The following SUGCT variants were observed in gnomAD, a reference collection of about 807,000 sequenced individuals.
SUGCT encodes the protein succinyl-CoA:glutarate-CoA transferase.
Under a neutral mutation model 55.0 loss-of-function variants are expected in SUGCT, and 41 were observed. That is an observed-to-expected ratio of 0.74 (90% CI 0.58 to 0.97). The LOEUF is 0.97. SUGCT is among the 50% of genes least tolerant of loss of function. The probability of loss-of-function intolerance (pLI) is 0.00; values close to 1 mark genes in which losing one functional copy is unlikely to be tolerated. For synonymous variants in SUGCT, 187 were observed against 200.4 expected (o/e 0.93, Z 0.56); for missense variants, 568 against 547.8 (o/e 1.04, Z -0.37).
chr7:40,241,919 C>A (rs867462823), intron 7 of SUGCT, among the ~76,000 whole-genome samples: 1,156 of 130,500 alleles, frequency 8.9e-3, no homozygotes, highest in Non-Finnish European at 8.9e-3. Context: ...ACTCTGTCTC[C>A]AAAAAAAAAA....
intron 10 of SUGCT, among the ~76,000 whole-genome samples, chr7:40,451,980 G>A (rs1166373389): frequency 6.6e-6 from 1 of 152,222 alleles, no homozygotes; most frequent in Non-Finnish European, 1.5e-5. Flanking sequence ...GGAAAGATGG[G>A]ACAACTTTAG....
chr7:40,732,065 G>GA (rs1562968933), intron 12 of SUGCT, among the ~76,000 whole-genome samples: 3 of 152,186 alleles, frequency 2.0e-5, no homozygotes, highest in Non-Finnish European at 4.4e-5. Flanking sequence ...CTACAAACCG[G>GA]ACTGCTTAAG....
chr7:40,792,501 T>C (rs1328560357), intron 13 of SUGCT, among the ~76,000 whole-genome samples: 1 of 152,144 alleles, frequency 6.6e-6, no homozygotes, highest in Non-Finnish European at 1.5e-5. Flanking sequence ...TTGTTCTGAT[T>C]CCGTATTGAC....
chr7:40,860,363 C>G lies in SUGCT; in HGVS notation c.1201C>G (p.Pro401Ala), dbSNP rs1282910576. ...SKFKMSEARP[P>A]PLLGQHTTHI... ...GTTCAAGATGTCAGAGGCCAGGCCG[C>G]CCCCGCTGCTCGGGCAGCACACAAC... Residue 401 changes from proline to alanine, a missense_variant, in exon 14 of 14, where the codon CCC becomes GCC. Pro to Ala is a conservative substitution (Grantham distance 27). Coordinates refer to ENST00000335693, the MANE Select transcript of SUGCT (RefSeq NM_001193313.2). The G allele has an allele frequency of 6.2e-7, 1 of 1,613,968 alleles. No individual in the cohort carries two copies. The highest frequency in any genetic ancestry group is 8.5e-7 in the Non-Finnish European group (1 of 1,179,856).
the SUGCT span, among the ~76,000 whole-genome samples, chr7:40,886,421 G>A: frequency 6.6e-6 from 1 of 152,164 alleles, no homozygotes; most frequent in Admixed American, 6.5e-5. Flanking sequence ...CTTAGATTCA[G>A]GGTATTCATG....
chr7:40,341,238 A>G (rs994757622), intron 9 of SUGCT, among the ~76,000 whole-genome samples: 18 of 152,198 alleles, frequency 1.2e-4, no homozygotes, highest in African/African-American at 4.3e-4. Context: ...GAATGGAGAA[A>G]AGCATCCTGT....
At chr7:40,242,542 A>G (rs1420990962) in intron 7 of SUGCT, among the ~76,000 whole-genome samples, 1 of 151,862 alleles carries the variant, frequency 6.6e-6, no homozygotes, top group Non-Finnish European at 1.5e-5. Context: ...CTAAAGCCCA[A>G]CTTTGAATCC....
chr7:40,713,259 A>G (rs1015114152), intron 12 of SUGCT, among the ~76,000 whole-genome samples: 1 of 152,136 alleles, frequency 6.6e-6, no homozygotes, highest in Admixed American at 6.5e-5. Context: ...CCTCTCCCAG[A>G]AAGGGCAGTT....
rs768763456 is a variant in SUGCT at position 40,860,590 on chromosome 7, G to GT, written c.*112dup. The GT allele has an allele frequency of 4.3e-6, 5 of 1,167,322 alleles. No individual in the cohort carries two copies. The highest frequency in any genetic ancestry group is 4.6e-6 in the Non-Finnish European group (4 of 863,430). 72.3% of individuals were successfully genotyped at this position (1,167,322 alleles called of 1,614,324 possible). ...GATACCACTAAAAAGAAGATTTAGA[G>GT]TAACTCCAGATTTCTTACATGGCAT... On this transcript the variant is annotated 3_prime_UTR_variant, in exon 14 of 14. Transcript: ENST00000335693.
chr7:40,617,971 A>G (rs1461096776), intron 12 of SUGCT, among the ~76,000 whole-genome samples: 2 of 152,138 alleles, frequency 1.3e-5, no homozygotes, highest in Admixed American at 6.5e-5. Flanking sequence ...TTACTTCACT[A>G]TAATCCTGTT....
At chr7:40,726,139 C>T (rs150063742) in intron 12 of SUGCT, among the ~76,000 whole-genome samples, 11 of 152,188 alleles carry the variant, frequency 7.2e-5, no homozygotes, top group East Asian at 3.9e-4. Flanking sequence ...TAGGTTCCTA[C>T]GCAGGAACGG....
chr7:40,561,164 CAGACTAGG>C (rs2151662399), intron 12 of SUGCT, among the ~76,000 whole-genome samples: 1 of 152,268 alleles, frequency 6.6e-6, no homozygotes, highest in East Asian at 1.9e-4. Flanking sequence ...CCTTTTTACA[CAGACTAGG>C]AAAAGCAACT....
the SUGCT span, among the ~76,000 whole-genome samples, chr7:41,030,543 C>T: frequency 6.6e-6 from 1 of 152,178 alleles, no homozygotes; most frequent in Non-Finnish European, 1.5e-5. Flanking sequence ...TTCCTCCTCT[C>T]GTCCCTCCCT....
rs193214687 is a variant in SUGCT at position 40,534,447 on chromosome 7, C to T, written c.1089+38061C>T. 3.3e-5 allele frequency among the ~76,000 whole-genome samples: 5 copies of T among 152,098 alleles called. No individual in the cohort carries two copies. In the East Asian group the frequency reaches 5.8e-4, roughly 18 times the overall value. ...TCGCCTAGGCTTTAGTGCAGTGGCACGATCTTGGCTCACCGCAACCTCCAC... is the reference window on the plus strand; with the variant it reads ...TCGCCTAGGCTTTAGTGCAGTGGCATGATCTTGGCTCACCGCAACCTCCAC... On this transcript the variant is annotated intron_variant, in intron 12 of 13. Transcript: ENST00000335693.
At chr7:40,210,071 A>G (rs890758385) in intron 6 of SUGCT, among the ~76,000 whole-genome samples, 1 of 151,898 alleles carries the variant, frequency 6.6e-6, no homozygotes, top group African/African-American at 2.4e-5. Flanking sequence ...TTTTTAAAAA[A>G]TTTAATTTTA....
intron 1 of SUGCT, among the ~76,000 whole-genome samples, chr7:40,162,090 G>A (rs890885097): frequency 6.6e-6 from 1 of 152,092 alleles, no homozygotes; most frequent in African/African-American, 2.4e-5. Flanking sequence ...TAGAGACGGG[G>A]TTTCACCATG....
chr7:40,809,819 A>G lies in SUGCT; in HGVS notation c.1154-50497A>G, dbSNP rs553335921. Among the ~76,000 whole-genome samples, 11 of 152,178 alleles carry G rather than the reference A, an allele frequency of 7.2e-5. No individual in the cohort carries two copies. The East Asian group carries it at 1.9e-3, about 27-fold the overall frequency. Reference sequence around the variant, plus strand: ...GTAGCCCCCAGTTTCTATTGTTGCCATATGTTCCTGAGTACCCAATGTTTG... The same window carrying G: ...GTAGCCCCCAGTTTCTATTGTTGCCGTATGTTCCTGAGTACCCAATGTTTG... On this transcript the variant is annotated intron_variant, in intron 13 of 13. Coordinates refer to ENST00000335693, the MANE Select transcript of SUGCT (RefSeq NM_001193313.2).
At chr7:40,166,432 A>G (rs1205762122) in intron 1 of SUGCT, among the ~76,000 whole-genome samples, 3 of 152,222 alleles carry the variant, frequency 2.0e-5, no homozygotes, top group Non-Finnish European at 4.4e-5. Flanking sequence ...AAATTCCATT[A>G]CCTGATATTA....
intron 12 of SUGCT, among the ~76,000 whole-genome samples, chr7:40,565,175 C>A: frequency 6.6e-6 from 1 of 152,224 alleles, no homozygotes. Context: ...AGCGTTCTCT[C>A]AATTTTTTAC....
Sources: allele counts gnomAD v4.1 joint callset (sites outside exome capture counted in the v4.1 genomes callset), GRCh38; gene constraint gnomAD v4.1.1; transcripts MANE v1.5; gene names NCBI Gene and HGNC (gene_info 2026-07-23, HGNC 2026-07-21).